Variants in MTMR14 observed in about 807,000 individuals in gnomAD.
The protein encoded by MTMR14 is phosphatidylinositol-3,5-bisphosphate 3-phosphatase MTMR14.
Under a neutral mutation model 86.3 loss-of-function variants are expected in MTMR14, and 48 were observed. That is an observed-to-expected ratio of 0.56 (90% CI 0.44 to 0.71). MTMR14 has a LOEUF of 0.71. MTMR14 is among the 30% of genes least tolerant of loss of function. The pLI, the probability that MTMR14 is intolerant of heterozygous loss-of-function variation, is 0.00. For synonymous variants in MTMR14, 366 were observed against 326.1 expected, an observed-to-expected ratio of 1.12 and a Z score of -1.32; for missense variants, 780 against 834.6, an observed-to-expected ratio of 0.93 and a Z score of 0.81.
intron 1 of MTMR14, among the ~76,000 whole-genome samples, chr3:9,652,068 G>C (rs1162262750): frequency 2.0e-5 from 3 of 152,080 alleles, no homozygotes; most frequent in Non-Finnish European, 4.4e-5. Context: ...TTGAACTCGT[G>C]ATCTGCCCGC....
chr3:9,670,901 G>A (rs2048533018), intron 5 of MTMR14, 147 bp from the exon 6 acceptor site: 2 of 948,166 alleles, frequency 2.1e-6, no homozygotes, highest in Non-Finnish European at 3.4e-6. Context: ...GAAATCAGTT[G>A]TCCTGTTTGG....
At chr3:9,676,713 C>T (rs2075592047) in intron 7 of MTMR14, among the ~76,000 whole-genome samples, 1 of 152,198 alleles carries the variant, frequency 6.6e-6, no homozygotes, top group African/African-American at 2.4e-5. Flanking sequence ...TTCCTGAGGG[C>T]TTGTCCTGGT....
At chr3:9,690,774 A>C (rs1484466802) in intron 17 of MTMR14, among the ~76,000 whole-genome samples, 1 of 152,206 alleles carries the variant, frequency 6.6e-6, no homozygotes, top group African/African-American at 2.4e-5. Context: ...ACTCCCATCG[A>C]AAGAATCCTG....
chr3:9,650,723 A>T (rs955746274), intron 1 of MTMR14, among the ~76,000 whole-genome samples: 1 of 151,314 alleles, frequency 6.6e-6, no homozygotes, highest in African/African-American at 2.4e-5. Context: ...GAAAACAGAG[A>T]TTCCTTAGTC....
rs2075825476 is a variant in MTMR14, at chr3:9,683,160, C to G, written c.898-18C>G. The G allele has an allele frequency of 2.5e-6, 4 of 1,611,838 alleles. No homozygotes were observed. The East Asian group carries it at 8.9e-5, about 36-fold the overall frequency. On this transcript the variant is annotated intron_variant, in intron 9 of 18. Coordinates refer to ENST00000296003, the MANE Select transcript of MTMR14 (RefSeq NM_001077525.3). Reference sequence around the variant, plus strand: ...AAATCTGAGTTAATGTCCATTTCTTCTCACTTTTCTCCAACAGTGTTGGGA... The same window carrying G: ...AAATCTGAGTTAATGTCCATTTCTTGTCACTTTTCTCCAACAGTGTTGGGA...
At position 9,684,604 on chromosome 3, in the gene MTMR14, A is replaced by G. The variant is rs1370263748; in HGVS notation, c.984A>G (p.Val328=). 1 of 1,613,936 alleles carries G rather than the reference A, an allele frequency of 6.2e-7. No homozygotes were observed. The highest frequency in any genetic ancestry group is 2.2e-5 in the East Asian group (1 of 44,882). Residue 328 remains valine (V), a synonymous_variant, in exon 11 of 19, where the codon GTA becomes GTG. Coordinates refer to ENST00000296003, the MANE Select transcript of MTMR14 (RefSeq NM_001077525.3). ...VNSDDDSGLL[V]HCISGWDRTP... ...GAGTAGATGACAGCGGGCTGCTGGT[A>G]CACTGTATCTCAGGCTGGGATCGGA... is the stretch of plus-strand genomic sequence containing the variant.
intron 2 of MTMR14, 145 bp from the exon 3 acceptor site, chr3:9,662,122 A>G (rs567773524): frequency 5.8e-6 from 4 of 684,906 alleles, no homozygotes; most frequent in Admixed American, 2.1e-5. Flanking sequence ...CAGATGATAG[A>G]TGATATAAAA....
chr3:9,662,417 TG>T (rs779783739), intron 3 of MTMR14, 42 bp downstream of exon 3: 1 of 1,542,000 alleles, frequency 6.5e-7, no homozygotes, highest in East Asian at 2.2e-5. Flanking sequence ...GACTCTCTTC[TG>T]GGGTAGCTGA....
In MTMR14 at chr3:9,701,967, C is replaced by A. The variant is rs752439866; in HGVS notation, c.1947C>A (p.Ala649=). ...GACTCCGGAGCATCAGCAGCAATGC[C>A]TTGTGAAGAAGCCAGCCCATGACAT... ...GVGLRSISSN[A]L is the part of the protein sequence containing the mutation. Residue 649 remains alanine, a synonymous_variant, in exon 19 of 19, where the codon GCC becomes GCA. Coordinates refer to ENST00000296003, the MANE Select transcript of MTMR14 (RefSeq NM_001077525.3). This position sits in a 1 kb window ranked among gnomAD's most constrained non-coding sequence, Gnocchi z 4.2. The A allele has an allele frequency of 3.1e-6, 5 of 1,614,034 alleles. No individual in the cohort carries two copies. Among genetic ancestry groups the A allele is most frequent in the Middle Eastern group, 1.7e-4 (1 of 6,050 alleles).
At chr3:9,685,618 C>T (rs962677062) in intron 13 of MTMR14, among the ~76,000 whole-genome samples, 4 of 152,184 alleles carry the variant, frequency 2.6e-5, no homozygotes, top group Admixed American at 6.5e-5. Flanking sequence ...TGCAGCAGCA[C>T]TTCTCTTCCC....
At chr3:9,659,850 C>A (rs561913692) in intron 2 of MTMR14, 1 of 456,716 alleles carries the variant, frequency 2.2e-6, no homozygotes, top group Non-Finnish European at 4.4e-6. Flanking sequence ...GAGGAAAATG[C>A]TGATGTGTCC....
intron 17 of MTMR14, 102 bp from the exon 18 acceptor site, chr3:9,697,609 A>C (rs1575092316): frequency 1.5e-6 from 2 of 1,343,222 alleles, no homozygotes; most frequent in South Asian, 1.4e-5. Context: ...TGACAACAGA[A>C]CCTAGCAGCC....
At chr3:9,650,101 C>T (rs756909581) in intron 1 of MTMR14, among the ~76,000 whole-genome samples, 1 of 151,996 alleles carries the variant, frequency 6.6e-6, no homozygotes, top group African/African-American at 2.4e-5. Flanking sequence ...GAAAAAGCCC[C>T]AAGAAAAAGC....
At position 9,672,079 on chromosome 3, in the gene MTMR14, T is replaced by G. The variant is rs140850457; in HGVS notation, c.678-606T>G. ...AAAGGGTTCCCATAGGATCATATTA[T>G]TTGGCTCTCATCTCATTCCTGGGTC... is the stretch of plus-strand genomic sequence containing the variant. On this transcript the variant is annotated intron_variant, in intron 6 of 18. Transcript: ENST00000296003. Among the ~76,000 whole-genome samples the G allele has an allele frequency of 1.0e-3, 155 of 152,310 alleles. 2 individuals carry two copies. The highest frequency in any genetic ancestry group is 1.2e-3 in the South Asian group (6 of 4,826).
At chr3:9,692,711 AG>A (rs1394861411) in intron 17 of MTMR14, among the ~76,000 whole-genome samples, 1 of 152,218 alleles carries the variant, frequency 6.6e-6, no homozygotes, top group Non-Finnish European at 1.5e-5. Context: ...CTACCTGAAG[AG>A]CAGGTGAAGT....
chr3:9,664,577 A>T (rs1050760934), intron 3 of MTMR14, among the ~76,000 whole-genome samples: 7 of 152,224 alleles, frequency 4.6e-5, no homozygotes, highest in African/African-American at 1.7e-4. Context: ...ATGAAAAATA[A>T]TGAGATCCTG....
chr3:9,669,373 C>T (rs1350616739), intron 4 of MTMR14, 59 bp from the exon 5 acceptor site: 14 of 1,569,970 alleles, frequency 8.9e-6, no homozygotes, highest in Admixed American at 1.7e-5. Context: ...GGTGAGGAGG[C>T]CCCTGTGTGG....
intron 10 of MTMR14, 140 bp from the exon 11 acceptor site, chr3:9,684,445 A>G: frequency 1.3e-6 from 1 of 796,168 alleles, no homozygotes; most frequent in Non-Finnish European, 2.3e-6. Flanking sequence ...AGGCTGGAGA[A>G]GAGCCATGGG....
At chr3:9,690,238 A>C in intron 17 of MTMR14, 95 bp downstream of exon 17, 645 of 1,355,930 alleles carry the variant, frequency 4.8e-4, no homozygotes, top group Non-Finnish European at 5.7e-4. Context: ...CTAGGGTCTC[A>C]AGATGGGGTT....
Sources: gnomAD v4.1 joint callset for allele counts (sites outside exome capture counted in the v4.1 genomes callset) on GRCh38, gnomAD v4.1.1 for gene constraint, Gnocchi (gnomAD v3.1) non-coding constraint, MANE v1.5 for transcripts, NCBI Gene and HGNC (gene_info 2026-07-23, HGNC 2026-07-21) for gene names.